Variants in ANKFN1 observed in about 807,000 individuals in gnomAD.
ANKFN1 encodes ankyrin repeat and fibronectin type III domain containing 1.
A neutral mutation model predicts 108.7 loss-of-function variants in ANKFN1; 74 were observed. That is an observed-to-expected ratio of 0.68 (90% CI 0.56 to 0.83). The LOEUF is 0.83. Among genes scored for constraint, ANKFN1 ranks in the 40% least tolerant of loss-of-function variants. The probability of loss-of-function intolerance (pLI) is 0.00; values close to 1 mark genes in which losing one functional copy is unlikely to be tolerated. For missense variants in ANKFN1, 1,505 were observed against 1,382.3 expected (o/e 1.09, Z -1.41); for synonymous variants, 547 against 516.2 (o/e 1.06, Z -0.81).
chr17:56,497,569 T>C (rs966871622), intron 19 of ANKFN1, among the ~76,000 whole-genome samples: 1 of 152,130 alleles, frequency 6.6e-6, no homozygotes, highest in African/African-American at 2.4e-5. Context: ...TAAGTACAGA[T>C]TAAAGGCCTA....
At chr17:56,307,409 T>G (rs2044863274) in intron 3 of ANKFN1, among the ~76,000 whole-genome samples, 1 of 152,136 alleles carries the variant, frequency 6.6e-6, no homozygotes. Context: ...CATCAAAAAG[T>G]GGGCGAAGGA....
At chr17:56,391,413 C>CAT (rs1194798623) in intron 8 of ANKFN1, among the ~76,000 whole-genome samples, 2 of 112,798 alleles carry the variant, frequency 1.8e-5, no homozygotes, top group African/African-American at 3.6e-5. Context: ...TGTGTGTGTA[C>CAT]ATATATATAT....
At chr17:56,334,713 TA>T (rs1269575291) in intron 4 of ANKFN1, among the ~76,000 whole-genome samples, 1 of 152,100 alleles carries the variant, frequency 6.6e-6, no homozygotes, top group Non-Finnish European at 1.5e-5. Context: ...GTTAATAAGT[TA>T]AAAAGTCAAA....
At chr17:56,495,665 G>A (rs758426935) in intron 19 of ANKFN1, among the ~76,000 whole-genome samples, 2 of 152,168 alleles carry the variant, frequency 1.3e-5, no homozygotes, top group Non-Finnish European at 2.9e-5. Flanking sequence ...AAATGTCAAA[G>A]TGTGAAGACC....
At position 56,513,566 on chromosome 17, in the gene ANKFN1, T is replaced by C. The variant is rs2051835735; in HGVS notation, c.*2297T>C. Among the ~76,000 whole-genome samples, 1 of 152,132 alleles carries C rather than the reference T, an allele frequency of 6.6e-6. No homozygotes were observed. The highest frequency in any genetic ancestry group is 2.4e-5 in the African/African-American group (1 of 41,442). The stretch of plus-strand genomic sequence containing the variant: ...CCTGATCCTGATCATTCTGGTGGCA[T>C]AGGAGGAAGTTTGTGACTGAATCAG... On this transcript the variant is annotated 3_prime_UTR_variant, in exon 21 of 21. Transcript: ENST00000682825.
At chr17:56,163,335 T>C (rs112484385) in intron 1 of ANKFN1, among the ~76,000 whole-genome samples, 12 of 152,178 alleles carry the variant, frequency 7.9e-5, no homozygotes, top group South Asian at 2.1e-4. Flanking sequence ...AGATTTTCAT[T>C]TGGACACTAG....
At chr17:56,470,033 A>G (rs1230150147) in intron 15 of ANKFN1, among the ~76,000 whole-genome samples, 2 of 152,154 alleles carry the variant, frequency 1.3e-5, no homozygotes, top group Non-Finnish European at 2.9e-5. Flanking sequence ...GTGAGAACAC[A>G]TAGTGTTTGG....
chr17:56,489,502 T>G (rs2050963603), intron 18 of ANKFN1, among the ~76,000 whole-genome samples: 1 of 150,362 alleles, frequency 6.7e-6, no homozygotes, highest in African/African-American at 2.4e-5. Context: ...GCGTTATAGT[T>G]GAAACCTCCT....
At chr17:56,273,010 C>T (rs539772334) in intron 3 of ANKFN1, among the ~76,000 whole-genome samples, 1 of 152,304 alleles carries the variant, frequency 6.6e-6, no homozygotes, top group East Asian at 1.9e-4. Flanking sequence ...CTAGATACAG[C>T]TGTTAGTGCA....
intron 8 of ANKFN1, among the ~76,000 whole-genome samples, chr17:56,412,232 C>T (rs562086245): frequency 6.6e-5 from 10 of 152,226 alleles, no homozygotes; most frequent in East Asian, 1.9e-4. Context: ...TCTGGGAATT[C>T]GCCATTTCTT....
At chr17:56,194,088 T>G (rs1913265367) in intron 1 of ANKFN1, among the ~76,000 whole-genome samples, 1 of 151,698 alleles carries the variant, frequency 6.6e-6, no homozygotes, top group South Asian at 2.1e-4. Context: ...TGTACACCTA[T>G]TTAGAATGGC....
chr17:56,176,103 T>C (rs1015022734), intron 1 of ANKFN1, among the ~76,000 whole-genome samples: 4 of 152,048 alleles, frequency 2.6e-5, no homozygotes, highest in African/African-American at 9.7e-5. Flanking sequence ...CTGCTGTGAG[T>C]CCACTGGGGG....
chr17:56,426,022 A>T (rs1013032356), intron 8 of ANKFN1, among the ~76,000 whole-genome samples: 3 of 152,224 alleles, frequency 2.0e-5, no homozygotes, highest in Non-Finnish European at 4.4e-5. Flanking sequence ...TCCTGAATGT[A>T]CCAGCAATTA....
At chr17:56,084,919 T>G (rs1183130736) in intron 4 of ANKFN1, among the ~76,000 whole-genome samples, 1 of 150,862 alleles carries the variant, frequency 6.6e-6, no homozygotes, top group East Asian at 1.9e-4. Flanking sequence ...AATAAGGTGA[T>G]GGCCTACTGT....
intron 4 of ANKFN1, among the ~76,000 whole-genome samples, chr17:56,114,151 T>C (rs1906133059): frequency 6.6e-6 from 1 of 152,248 alleles, no homozygotes; most frequent in African/African-American, 2.4e-5. Context: ...TTACTCTTCA[T>C]CTTTTAGTTA....
At chr17:56,222,108 A>G (rs749001989) in intron 2 of ANKFN1, among the ~76,000 whole-genome samples, 3 of 152,206 alleles carry the variant, frequency 2.0e-5, no homozygotes, top group Non-Finnish European at 2.9e-5. Context: ...GGCTGTTCTC[A>G]GCAGGACTGC....
chr17:56,255,856 T>C (rs1384666807), intron 3 of ANKFN1, among the ~76,000 whole-genome samples: 1 of 152,146 alleles, frequency 6.6e-6, no homozygotes, highest in Non-Finnish European at 1.5e-5. Context: ...ACTGGAAAAT[T>C]ACCATGGAGA....
chr17:56,204,652 T>G (rs1328603860), intron 1 of ANKFN1, among the ~76,000 whole-genome samples: 1 of 152,212 alleles, frequency 6.6e-6, no homozygotes, highest in Admixed American at 6.5e-5. Context: ...AGGCACTGTT[T>G]ATGATCATAC....
intron 11 of ANKFN1, among the ~76,000 whole-genome samples, chr17:56,450,378 C>T (rs1260688798): frequency 9.2e-5 from 14 of 152,224 alleles, no homozygotes; most frequent in Admixed American, 8.5e-4. Flanking sequence ...TACTACATAG[C>T]TATCACAGTA....
Sources: allele counts gnomAD v4.1 joint callset (sites outside exome capture counted in the v4.1 genomes callset), GRCh38; gene constraint gnomAD v4.1.1; transcripts MANE v1.5; gene names NCBI Gene and HGNC (gene_info 2026-07-23, HGNC 2026-07-21).